The following CCDC33 variants were observed in gnomAD, a reference collection of about 807,000 sequenced individuals.
The protein encoded by CCDC33 is coiled-coil domain containing 33, also known as coiled-coil domain-containing protein 33.
In CCDC33, 94 loss-of-function variants were observed where a neutral mutation model predicts 91.9. That is an observed-to-expected ratio of 1.02 (90% CI 0.87 to 1.21). The LOEUF (loss-of-function observed/expected upper bound fraction) is 1.21, where lower values mean the gene tolerates loss of function less well. Among genes scored for constraint, CCDC33 ranks in the 50% most tolerant of loss-of-function variants. CCDC33 has a pLI of 0.00. For synonymous variants in CCDC33, 396 were observed against 374.5 expected (o/e 1.06, Z -0.66); for missense variants, 940 against 935.5 (o/e 1.00, Z -0.06).
chr15:74,222,801 A>AC (rs1030382968), intron 2 of CCDC33, among the ~76,000 whole-genome samples: 7 of 22,640 alleles, frequency 3.1e-4, no homozygotes, highest in African/African-American at 1.2e-3. Context: ...CACTCCCCCG[A>AC]CCCCCGCCGC....
chr15:74,219,676 A>G (rs1184482074), intron 2 of CCDC33, among the ~76,000 whole-genome samples: 12 of 152,120 alleles, frequency 7.9e-5, no homozygotes, highest in Admixed American at 7.2e-4. Flanking sequence ...AAGAGGGTTT[A>G]TTTGAGGTGA....
At chr15:74,247,557 G>A (rs2075577737) in intron 2 of CCDC33, among the ~76,000 whole-genome samples, 1 of 152,120 alleles carries the variant, frequency 6.6e-6, no homozygotes, top group South Asian at 2.1e-4. Context: ...AGATGAGCCT[G>A]GAGGACGTTA....
intron 7 of CCDC33, among the ~76,000 whole-genome samples, chr15:74,278,877 T>G (rs1256382758): frequency 6.6e-6 from 1 of 152,220 alleles, no homozygotes; most frequent in Non-Finnish European, 1.5e-5. Context: ...TAGGGTGCCA[T>G]CAAGTCCCCC....
At chr15:74,228,559 T>C (rs1195613278) in intron 2 of CCDC33, among the ~76,000 whole-genome samples, 1 of 152,036 alleles carries the variant, frequency 6.6e-6, no homozygotes, top group African/African-American at 2.4e-5. Context: ...GGGGAGCCAG[T>C]GATTGTGGGA....
intron 1 of CCDC33, chr15:74,208,790 T>C (rs1373779765): frequency 2.0e-6 from 2 of 988,616 alleles, no homozygotes; most frequent in Non-Finnish European, 2.4e-6. Context: ...CAGACTTGGC[T>C]CCAGCCTACC....
Position 74,218,345 on chromosome 15 carries a change from C to T in CCDC33, c.311-152C>T, listed in dbSNP as rs539887186. Among the ~76,000 whole-genome samples the T allele has an allele frequency of 8.5e-5, 13 of 152,116 alleles. No homozygotes were observed. Among genetic ancestry groups the T allele is most frequent in the African/African-American group, 3.1e-4 (13 of 41,424 alleles). Reference sequence around the variant, plus strand: ...CCATGGGTGGGGCCTAGGAGGGAGTCGCCTACCAGGGAAATCTTAGCCAAG... The same window carrying T: ...CCATGGGTGGGGCCTAGGAGGGAGTTGCCTACCAGGGAAATCTTAGCCAAG... On this transcript the variant is annotated intron_variant, in intron 1 of 2. Transcript: ENST00000635913. This position sits in a 1 kb window ranked among gnomAD's most constrained non-coding sequence, Gnocchi z 4.8.
intron 2 of CCDC33, among the ~76,000 whole-genome samples, chr15:74,229,824 G>T (rs2074911832): frequency 6.6e-6 from 1 of 152,192 alleles, no homozygotes; most frequent in South Asian, 2.1e-4. Flanking sequence ...CAACATGCTG[G>T]GCCCTGGGGA....
chr15:74,329,869 T>C (rs2060389799), intron 11 of CCDC33, among the ~76,000 whole-genome samples: 2 of 152,208 alleles, frequency 1.3e-5, no homozygotes, highest in Non-Finnish European at 2.9e-5. Context: ...AACCTGGCCC[T>C]GGATCTTCTC....
In CCDC33 at chr15:74,326,414, T is replaced by C. The variant is rs541753568; in HGVS notation, c.1291-3775T>C. Among the ~76,000 whole-genome samples the C allele has an allele frequency of 7.9e-5, 12 of 152,354 alleles. 1 individual carries two copies. In the South Asian group the frequency reaches 2.3e-3, roughly 29 times the overall value. On this transcript the variant is annotated intron_variant, in intron 11 of 18. Transcript: ENST00000398814. ...GTGCCAGAGCCTGGGCTGGCACTGT[T>C]CATGCCCCCTCTCTCTCCACAGCAA...
intron 11 of CCDC33, among the ~76,000 whole-genome samples, chr15:74,306,126 T>A (rs2142708206): frequency 6.6e-6 from 1 of 152,252 alleles, no homozygotes; most frequent in African/African-American, 2.4e-5. Flanking sequence ...TGACCCCCTC[T>A]CCAGAAGTTC....
upstream of CCDC33, among the ~76,000 whole-genome samples, chr15:74,231,669 C>A (rs967779592): frequency 6.6e-6 from 1 of 152,188 alleles, no homozygotes; most frequent in Non-Finnish European, 1.5e-5. Flanking sequence ...CGCCTCAAAG[C>A]CGTGTGACCT....
intron 2 of CCDC33, among the ~76,000 whole-genome samples, chr15:74,254,757 T>TG: frequency 7.0e-6 from 1 of 143,744 alleles, no homozygotes; most frequent in Admixed American, 6.7e-5. Flanking sequence ...TTTTTTTTTT[T>TG]TTTTTTTGAG....
chr15:74,205,066 G>T (rs2074230430), intron 1 of CCDC33, among the ~76,000 whole-genome samples: 1 of 152,234 alleles, frequency 6.6e-6, no homozygotes, highest in African/African-American at 2.4e-5. Context: ...CTGATGTATG[G>T]TAGGGCTTAG....
At chr15:74,249,905 A>G (rs1244950482) in intron 2 of CCDC33, among the ~76,000 whole-genome samples, 3 of 151,974 alleles carry the variant, frequency 2.0e-5, no homozygotes, top group African/African-American at 7.3e-5. Context: ...TCCCCCTCCA[A>G]GTTACCCCAC....
At chr15:74,219,938 C>T (rs1022598465) in intron 2 of CCDC33, among the ~76,000 whole-genome samples, 8 of 152,128 alleles carry the variant, frequency 5.3e-5, no homozygotes, top group Non-Finnish European at 4.4e-5. Flanking sequence ...CTTGGCCCAT[C>T]TGCGGTGCTT....
chr15:74,232,289 A>G (rs2075001751), upstream of CCDC33, among the ~76,000 whole-genome samples: 1 of 152,130 alleles, frequency 6.6e-6, no homozygotes, highest in African/African-American at 2.4e-5. Context: ...CAGGAGCTTG[A>G]GGGGAGTTTA....
At chr15:74,328,258 G>A (rs2060350975) in intron 11 of CCDC33, among the ~76,000 whole-genome samples, 1 of 152,224 alleles carries the variant, frequency 6.6e-6, no homozygotes, top group Admixed American at 6.5e-5. Context: ...GGAGGAAGAG[G>A]AAGGGGTCTG....
At chr15:74,249,483 G>A (rs1022452103) in intron 2 of CCDC33, among the ~76,000 whole-genome samples, 7 of 140,486 alleles carry the variant, frequency 5.0e-5, no homozygotes, top group Non-Finnish European at 7.6e-5. Context: ...GCGAGGCTCC[G>A]TCTAAAAAAA....
At chr15:74,207,758 G>A (rs1054151857) in intron 1 of CCDC33, 61 of 1,535,706 alleles carry the variant, frequency 4.0e-5, no homozygotes, top group Non-Finnish European at 4.8e-5. Flanking sequence ...AACCTCATGC[G>A]GGCCCGTGAG....
Sources: allele counts gnomAD v4.1 joint callset (sites outside exome capture counted in the v4.1 genomes callset), GRCh38; gene constraint gnomAD v4.1.1; non-coding constraint Gnocchi (gnomAD v3.1); transcripts MANE v1.5; gene names NCBI Gene and HGNC (gene_info 2026-07-23, HGNC 2026-07-21).